NEK4: variants seen among roughly 807,000 people sequenced by gnomAD.
NEK4 encodes serine/threonine-protein kinase Nek4.
NEK4 carries 86 observed loss-of-function variants against 98.4 expected under a neutral mutation model. The ratio of observed to expected loss-of-function variants is 0.87; its 90% CI spans 0.73 to 1.05. NEK4 has a LOEUF of 1.05. Among genes scored for constraint, NEK4 ranks in the 50% least tolerant of loss-of-function variants. The pLI is 0.00. For synonymous variants in NEK4, 328 were observed against 342.2 expected (o/e 0.96, Z 0.46); for missense variants, 898 against 950.3 (o/e 0.94, Z 0.72).
chr3:52,763,208 G>A (rs1331063020), intron 5 of NEK4, among the ~76,000 whole-genome samples: 1 of 152,108 alleles, frequency 6.6e-6, no homozygotes, highest in East Asian at 1.9e-4. Flanking sequence ...TTCCTTATGA[G>A]GGCTCCTGTG....
At chr3:52,745,016 C>T (rs529516170) in intron 10 of NEK4, among the ~76,000 whole-genome samples, 16 of 151,842 alleles carry the variant, frequency 1.1e-4, no homozygotes, top group Middle Eastern at 6.8e-3. Context: ...CCCAGGTACA[C>T]GCCATTCTCC....
intron 15 of NEK4, among the ~76,000 whole-genome samples, chr3:52,727,906 G>T (rs1036882675): frequency 6.6e-6 from 1 of 152,142 alleles, no homozygotes; most frequent in Admixed American, 6.5e-5. Flanking sequence ...TGCTAAGGGG[G>T]GAATTTATAG....
intron 7 of NEK4, among the ~76,000 whole-genome samples, chr3:52,750,133 CAG>C (rs1346624991): frequency 2.0e-5 from 3 of 152,236 alleles, no homozygotes; most frequent in Non-Finnish European, 4.4e-5. Flanking sequence ...TATGTCCACA[CAG>C]AAACTTGTAT....
intron 9 of NEK4, 72 bp from the exon 10 acceptor site, chr3:52,746,282 C>T: frequency 1.4e-6 from 2 of 1,427,770 alleles, no homozygotes; most frequent in Non-Finnish European, 1.9e-6. Flanking sequence ...TCAGCAGGTT[C>T]TCTATGTATT....
chr3:52,728,149 G>A (rs1462997004), intron 15 of NEK4, among the ~76,000 whole-genome samples: 1 of 152,216 alleles, frequency 6.6e-6, no homozygotes, highest in Non-Finnish European at 1.5e-5. Flanking sequence ...TACACAGGCG[G>A]ATCACTTGAG....
intron 15 of NEK4, among the ~76,000 whole-genome samples, chr3:52,724,716 C>T (rs576021615): frequency 1.3e-5 from 2 of 152,158 alleles, no homozygotes; most frequent in African/African-American, 4.8e-5. Flanking sequence ...TTCAGTTATA[C>T]AGCAGGAGTT....
At chr3:52,755,007 G>T (rs1193982957) in intron 6 of NEK4, among the ~76,000 whole-genome samples, 2 of 149,888 alleles carry the variant, frequency 1.3e-5, no homozygotes, top group Non-Finnish European at 2.9e-5. Flanking sequence ...CCGGGAGGCA[G>T]AGCTTGCAGT....
intron 10 of NEK4, 80 bp from the exon 11 acceptor site, chr3:52,744,385 G>A: frequency 8.9e-7 from 1 of 1,129,494 alleles, no homozygotes. Context: ...GTATCATTCA[G>A]CATTAAGAAA....
chr3:52,770,774 T>TGCG lies in NEK4; in HGVS notation c.-31_-29dup. On this transcript the variant is annotated 5_prime_UTR_variant, in exon 1 of 16. Coordinates refer to ENST00000233027, the MANE Select transcript of NEK4 (RefSeq NM_003157.6). ...TCCCAGCGCTGGCCCAGAGTCGGGA[T>TGCG]GCGGCGGCAGCGGCGGGTAGGGCAG... is the stretch of plus-strand genomic sequence containing the variant. 1 of 1,543,664 alleles carries TGCG rather than the reference T, an allele frequency of 6.5e-7. No homozygotes were observed. Among genetic ancestry groups the TGCG allele is most frequent in the Non-Finnish European group, 8.7e-7 (1 of 1,143,390 alleles).
At chr3:52,732,351 G>A (rs994614808) in intron 15 of NEK4, among the ~76,000 whole-genome samples, 9 of 152,060 alleles carry the variant, frequency 5.9e-5, no homozygotes, top group African/African-American at 1.7e-4. Context: ...CCGCCACTGC[G>A]CCCGGCTAAT....
intron 7 of NEK4, among the ~76,000 whole-genome samples, chr3:52,750,404 T>C (rs373274916): frequency 1.1e-4 from 16 of 151,816 alleles, no homozygotes; most frequent in African/African-American, 3.4e-4. Flanking sequence ...TAAAATCAGC[T>C]GGGCATGGTG....
intron 15 of NEK4, among the ~76,000 whole-genome samples, chr3:52,712,182 A>G (rs2097351046): frequency 6.6e-6 from 1 of 152,260 alleles, no homozygotes; most frequent in Non-Finnish European, 1.5e-5. Context: ...AACAAAATCA[A>G]TTTCATAGAT....
intron 6 of NEK4, among the ~76,000 whole-genome samples, chr3:52,757,555 C>CAAAAAAAAAAAAAAAA (rs541943769): frequency 1.4e-5 from 1 of 72,206 alleles, no homozygotes; most frequent in Non-Finnish European, 3.2e-5. Flanking sequence ...GACTCCGTCT[C>CAAAAAAAAAAAAAAAA]AAAAAAAAAA....
At chr3:52,764,475 CAA>C (rs1192176680) in intron 4 of NEK4, among the ~76,000 whole-genome samples, 1 of 149,450 alleles carries the variant, frequency 6.7e-6, no homozygotes, top group East Asian at 2.0e-4. Flanking sequence ...ACTAAAAATA[CAA>C]AAAAGTGGAC....
At chr3:52,752,443 C>T in intron 6 of NEK4, 107 bp from the exon 7 acceptor site, 1 of 1,053,324 alleles carries the variant, frequency 9.5e-7, no homozygotes, top group East Asian at 2.4e-5. Flanking sequence ...ATAGAATTAA[C>T]ATATGACTCA....
Position 52,741,421 on chromosome 3 carries a change from A to G in NEK4, c.2083T>C (p.Tyr695His). ...AAAACAAGAACTTACCCTTCCCCGT[A>G]ATCCCCATCTGACTTATCAGTTGAA... ...TSSTDKSDGD[Y>H]GEGKGQTNEI... is the part of the protein sequence containing the mutation. Residue 695 changes from tyrosine to histidine, a missense_variant, in exon 13 of 16, where the codon TAC (tyrosine) becomes CAC (histidine). By Grantham distance (83) the Tyr-to-His change is moderately conservative (BLOSUM62 2). Transcript: ENST00000233027. 4 of 1,597,080 alleles carry G rather than the reference A, an allele frequency of 2.5e-6. No homozygotes were observed. Among genetic ancestry groups the G allele is most frequent in the East Asian group, 2.2e-5 (1 of 44,750 alleles).
chr3:52,748,692 A>G (rs547696350), intron 8 of NEK4, among the ~76,000 whole-genome samples: 1 of 152,354 alleles, frequency 6.6e-6, no homozygotes, highest in South Asian at 2.1e-4. Flanking sequence ...CATCATTTAA[A>G]AATGGATCTA....
rs566535170 is a variant in NEK4 at position 52,709,649 on chromosome 3, T to G, written c.*2128A>C. ...CCAGGAGGTCAAGGCTGCAGTGAGC[T>G]ATGATCACCTCACTGCACTCCAGGC... On this transcript the variant is annotated 3_prime_UTR_variant, in exon 16 of 16. Transcript: ENST00000233027. 24 of 133,718 alleles carry G rather than the reference T, an allele frequency of 1.8e-4. No homozygotes were observed. The highest frequency in any genetic ancestry group is 6.8e-4 in the African/African-American group (24 of 35,186). The allele number at this position is 133,718 out of a possible 1,614,324, so 8.3% of individuals were successfully genotyped here. A position where few individuals can be genotyped will look rare whatever the true frequency, so the allele number is the denominator to read the frequency against.
intron 15 of NEK4, among the ~76,000 whole-genome samples, chr3:52,722,730 C>T (rs2097361161): frequency 6.6e-6 from 1 of 151,796 alleles, no homozygotes. Context: ...TGGCGAAACC[C>T]CGTCTCTACA....
Sources: gnomAD v4.1 joint callset for allele counts (sites outside exome capture counted in the v4.1 genomes callset) on GRCh38, gnomAD v4.1.1 for gene constraint, MANE v1.5 for transcripts, NCBI Gene and HGNC (gene_info 2026-07-23, HGNC 2026-07-21) for gene names.